The following CNTNAP5 variants were observed in gnomAD, a reference collection of about 807,000 sequenced individuals.
CNTNAP5 encodes the protein contactin associated protein family member 5.
In CNTNAP5, 72 loss-of-function variants were observed where a neutral mutation model predicts 150.2. The observed-to-expected ratio is 0.48, with a 90% CI of 0.40 to 0.58. The LOEUF (loss-of-function observed/expected upper bound fraction) is 0.58. CNTNAP5 is among the 20% of genes least tolerant of loss of function. The pLI is 0.00. For synonymous variants in CNTNAP5, 672 were observed against 619.8 expected (o/e 1.08, Z -1.25); for missense variants, 1,636 against 1,626.2 (o/e 1.01, Z -0.10).
intron 12 of CNTNAP5, among the ~76,000 whole-genome samples, chr2:124,624,568 A>C (rs1050002653): frequency 1.3e-5 from 2 of 152,212 alleles, no homozygotes; most frequent in African/African-American, 4.8e-5. Context: ...TTGGTAATTC[A>C]GAAATTAAGT....
At chr2:124,256,419 T>A (rs1687316938) in intron 3 of CNTNAP5, among the ~76,000 whole-genome samples, 1 of 152,012 alleles carries the variant, frequency 6.6e-6, no homozygotes, top group African/African-American at 2.4e-5. Context: ...AGTTTAAGCA[T>A]GAGGAAAGGC....
chr2:124,373,009 A>G (rs1180853757), intron 3 of CNTNAP5, among the ~76,000 whole-genome samples: 2 of 152,100 alleles, frequency 1.3e-5, no homozygotes, highest in Admixed American at 6.6e-5. Flanking sequence ...CAAAAATTAT[A>G]TCCTTGAGGG....
At chr2:124,043,383 A>C (rs1485303311) in intron 1 of CNTNAP5, among the ~76,000 whole-genome samples, 1 of 152,178 alleles carries the variant, frequency 6.6e-6, no homozygotes. Flanking sequence ...TTCAAGTACC[A>C]CCAAACCACT....
At chr2:124,208,894 A>T (rs1364697341) in intron 1 of CNTNAP5, among the ~76,000 whole-genome samples, 1 of 152,136 alleles carries the variant, frequency 6.6e-6, no homozygotes, top group Non-Finnish European at 1.5e-5. Context: ...TTAATTAAGC[A>T]TTTTCTTTGT....
intron 7 of CNTNAP5, among the ~76,000 whole-genome samples, chr2:124,495,542 G>A (rs552754105): frequency 3.2e-4 from 49 of 152,138 alleles, no homozygotes; most frequent in Non-Finnish European, 6.5e-4. Context: ...GGTCATGCAG[G>A]GCACCATCTT....
chr2:124,398,241 C>A (rs1691308297), intron 3 of CNTNAP5, among the ~76,000 whole-genome samples: 1 of 152,134 alleles, frequency 6.6e-6, no homozygotes, highest in Non-Finnish European at 1.5e-5. Context: ...AGCTCCTTTG[C>A]TGATTTCCTT....
chr2:124,291,360 A>G (rs1476794974), intron 3 of CNTNAP5, among the ~76,000 whole-genome samples: 1 of 152,058 alleles, frequency 6.6e-6, no homozygotes, highest in Non-Finnish European at 1.5e-5. Context: ...TACCTTCTTC[A>G]TTCTATAATG....
chr2:124,853,310 C>T (rs1683193450), intron 19 of CNTNAP5, among the ~76,000 whole-genome samples: 1 of 152,160 alleles, frequency 6.6e-6, no homozygotes. Flanking sequence ...GTGTTTGCTG[C>T]TCCTAATGGA....
intron 3 of CNTNAP5, among the ~76,000 whole-genome samples, chr2:124,368,032 T>C (rs1177094085): frequency 1.1e-4 from 16 of 152,192 alleles, no homozygotes; most frequent in Admixed American, 1.0e-3. Flanking sequence ...TTCAGTTATA[T>C]GGAACTATAG....
chr2:124,869,831 G>C (rs577601603), intron 21 of CNTNAP5, 69 bp downstream of exon 21: 150 of 927,930 alleles, frequency 1.6e-4, no homozygotes, highest in Non-Finnish European at 2.4e-4. Context: ...ATTTTCATTA[G>C]GGTGTTTAAG....
At chr2:124,716,526 T>G (rs1679948143) in intron 13 of CNTNAP5, among the ~76,000 whole-genome samples, 1 of 151,754 alleles carries the variant, frequency 6.6e-6, no homozygotes, top group African/African-American at 2.4e-5. Flanking sequence ...CTAAATATCT[T>G]TAATAGAATA....
At chr2:124,350,598 A>G (rs957466480) in intron 3 of CNTNAP5, among the ~76,000 whole-genome samples, 1 of 151,842 alleles carries the variant, frequency 6.6e-6, no homozygotes, top group African/African-American at 2.4e-5. Context: ...AAAAGCTTCA[A>G]TATCTGAAGT....
intron 3 of CNTNAP5, among the ~76,000 whole-genome samples, chr2:124,280,664 T>G (rs1687991175): frequency 6.6e-6 from 1 of 152,130 alleles, no homozygotes; most frequent in African/African-American, 2.4e-5. Context: ...TCTAGATAAT[T>G]AAGTGGCCTC....
chr2:124,487,656 T>A (rs1481673056), intron 7 of CNTNAP5, among the ~76,000 whole-genome samples: 1 of 151,976 alleles, frequency 6.6e-6, no homozygotes, highest in East Asian at 2.0e-4. Flanking sequence ...GAAGCTCATT[T>A]CATGTGCATG....
At position 124,916,200 on chromosome 2, in the gene CNTNAP5, G is replaced by A. The variant is rs111456243; in HGVS notation, c.*1912G>A. Among the ~76,000 whole-genome samples, 4,835 of 152,010 alleles carry A rather than the reference G, an allele frequency of 0.032. 267 individuals carry two copies. Among genetic ancestry groups the A allele is most frequent in the African/African-American group, 0.11 (4,435 of 41,444 alleles). On this transcript the variant is annotated 3_prime_UTR_variant, in exon 24 of 24. Coordinates refer to ENST00000682447, the MANE Select transcript of CNTNAP5 (RefSeq NM_001367498.1). ...ATTTTCTGTGGATTTGAGCTCAATC[G>A]CTTTATCATCTACATGATATCTTTT...
At chr2:124,663,916 G>T (rs1678644828) in intron 13 of CNTNAP5, among the ~76,000 whole-genome samples, 1 of 152,152 alleles carries the variant, frequency 6.6e-6, no homozygotes, top group South Asian at 2.1e-4. Flanking sequence ...CAGCTAAGAA[G>T]CTCAACAGGG....
intron 6 of CNTNAP5, among the ~76,000 whole-genome samples, chr2:124,467,473 T>C (rs1388588912): frequency 6.6e-6 from 1 of 152,152 alleles, no homozygotes; most frequent in East Asian, 1.9e-4. Context: ...AATTCTTATA[T>C]GGAGGGCTTG....
At chr2:124,258,213 C>T (rs141122388) in intron 3 of CNTNAP5, among the ~76,000 whole-genome samples, 21 of 152,086 alleles carry the variant, frequency 1.4e-4, no homozygotes, top group Admixed American at 1.1e-3. Context: ...AGCCTAGAGT[C>T]GTCAGGGGAA....
chr2:124,873,427 T>G (rs1454658186), intron 21 of CNTNAP5, among the ~76,000 whole-genome samples: 1 of 152,094 alleles, frequency 6.6e-6, no homozygotes, highest in Non-Finnish European at 1.5e-5. Flanking sequence ...CCCAATAAAA[T>G]GTCTTCATTG....
Sources: gnomAD v4.1 joint callset for allele counts (sites outside exome capture counted in the v4.1 genomes callset) on GRCh38, gnomAD v4.1.1 for gene constraint, MANE v1.5 for transcripts, NCBI Gene and HGNC (gene_info 2026-07-23, HGNC 2026-07-21) for gene names.